The following PHGDH variants were observed in gnomAD, a reference collection of about 807,000 sequenced individuals.
The protein encoded by PHGDH is D-3-phosphoglycerate dehydrogenase.
A neutral mutation model predicts 52.6 loss-of-function variants in PHGDH; 50 were observed. That is an observed-to-expected ratio of 0.95 (90% CI 0.76 to 1.20). The LOEUF (loss-of-function observed/expected upper bound fraction) is 1.20. Among genes scored for constraint, PHGDH ranks in the 50% most tolerant of loss-of-function variants. The pLI, the probability that PHGDH is intolerant of heterozygous loss-of-function variation, is 0.00. For missense variants in PHGDH, 630 were observed against 684.6 expected, an observed-to-expected ratio of 0.92 and a Z score of 0.89; for synonymous variants, 271 against 280.5, an observed-to-expected ratio of 0.97 and a Z score of 0.34.
At chr1:119,731,415 C>G (rs1039773931) in intron 5 of PHGDH, among the ~76,000 whole-genome samples, 17 of 152,182 alleles carry the variant, frequency 1.1e-4, no homozygotes, top group African/African-American at 4.1e-4. Context: ...AAGAAGCGAG[C>G]CTTGTGCTTT....
At chr1:119,735,127 C>T in intron 6 of PHGDH, 168 bp from the exon 7 acceptor site, 1 of 853,456 alleles carries the variant, frequency 1.2e-6, no homozygotes, top group Non-Finnish European at 1.9e-6. Flanking sequence ...GGGACTCCTG[C>T]CCCAGAGCAT....
At chr1:119,736,667 C>T (rs1030080684) in intron 7 of PHGDH, among the ~76,000 whole-genome samples, 11 of 152,148 alleles carry the variant, frequency 7.2e-5, no homozygotes, top group African/African-American at 2.7e-4. Context: ...CAAGGCACAT[C>T]GACAGCAAGT....
intron 6 of PHGDH, 84 bp downstream of exon 6, chr1:119,734,850 ACAG>A: frequency 1.4e-6 from 2 of 1,461,692 alleles, no homozygotes; most frequent in Non-Finnish European, 1.9e-6. Context: ...CCTTCCCCAG[ACAG>A]TGGTAACCAG....
chr1:119,740,713 A>G lies in PHGDH; in HGVS notation c.1078+195A>G, dbSNP rs1382489817. Reference sequence around the variant, plus strand: ...GAGGGGTTAAAAAAAGTCGTTGGAAAGATGTACTGAATATTCATAAATCAT... The same window carrying G: ...GAGGGGTTAAAAAAAGTCGTTGGAAGGATGTACTGAATATTCATAAATCAT... On this transcript the variant is annotated intron_variant, in intron 9 of 11. Transcript: ENST00000641023. Among the ~76,000 whole-genome samples the G allele has an allele frequency of 2.6e-5, 4 of 152,194 alleles. No individual in the cohort carries two copies. In the East Asian group the frequency reaches 5.8e-4, roughly 22 times the overall value.
Position 119,738,879 on chromosome 1 carries a change from C to G in PHGDH, c.946-1507C>G, listed in dbSNP as rs587633203. 8.5e-5 allele frequency among the ~76,000 whole-genome samples: 13 copies of G among 152,240 alleles called. No homozygotes were observed. In the South Asian group the frequency reaches 2.7e-3, roughly 32 times the overall value. ...TGTATCTGCTGCAGGACACAGAGTTCCATCAAATGGACCACACAGTGTCCC... is the reference window on the plus strand; with the variant it reads ...TGTATCTGCTGCAGGACACAGAGTTGCATCAAATGGACCACACAGTGTCCC... On this transcript the variant is annotated intron_variant, in intron 8 of 11. Coordinates refer to ENST00000641023, the MANE Select transcript of PHGDH (RefSeq NM_006623.4).
chr1:119,729,715 G>C (rs1192519082), intron 5 of PHGDH: 1 of 152,180 alleles, frequency 6.6e-6, no homozygotes, highest in Non-Finnish European at 1.5e-5. Context: ...CTGGGACCTT[G>C]AGCATCAGTG....
At chr1:119,741,222 T>C (rs1433535390) in intron 9 of PHGDH, among the ~76,000 whole-genome samples, 3 of 152,156 alleles carry the variant, frequency 2.0e-5, no homozygotes, top group Non-Finnish European at 2.9e-5. Context: ...CTCTTGGGTG[T>C]CTCACAGTTG....
At chr1:119,739,263 G>T (rs972701205) in intron 8 of PHGDH, among the ~76,000 whole-genome samples, 1 of 152,174 alleles carries the variant, frequency 6.6e-6, no homozygotes, top group Non-Finnish European at 1.5e-5. Flanking sequence ...GAGATGTGCC[G>T]AGGTGCCTGC....
intron 10 of PHGDH, chr1:119,742,547 C>G (rs587760820): frequency 3.4e-6 from 2 of 589,278 alleles, no homozygotes; most frequent in Non-Finnish European, 6.1e-6. Context: ...TTTCTTTCCT[C>G]CCTGTTTTCC....
intron 7 of PHGDH, 98 bp downstream of exon 7, chr1:119,735,541 G>C: frequency 8.2e-7 from 1 of 1,224,014 alleles, no homozygotes; most frequent in Non-Finnish European, 1.2e-6. Context: ...AAAGCCTCTA[G>C]CTTATTGTCT....
intron 7 of PHGDH, 150 bp from the exon 8 acceptor site, chr1:119,736,964 A>T: frequency 4.2e-6 from 3 of 715,324 alleles, no homozygotes; most frequent in Non-Finnish European, 7.5e-6. Context: ...GAAGCCCATT[A>T]TTGAGTCCAG....
intron 2 of PHGDH, chr1:119,721,663 G>A (rs1651170910): frequency 7.6e-6 from 2 of 263,750 alleles, no homozygotes; most frequent in South Asian, 1.2e-4. Flanking sequence ...AGGTCAGTGA[G>A]TTCATCTGCA....
intron 7 of PHGDH, 50 bp from the exon 8 acceptor site, chr1:119,737,064 G>A (rs1218309497): frequency 6.2e-7 from 1 of 1,601,052 alleles, no homozygotes; most frequent in South Asian, 1.1e-5. Flanking sequence ...GGCCCAAGAG[G>A]GTGTGGCCAG....
chr1:119,722,446 G>A (rs587726144), intron 2 of PHGDH, among the ~76,000 whole-genome samples: 1 of 152,282 alleles, frequency 6.6e-6, no homozygotes, highest in African/African-American at 2.4e-5. Context: ...AAATAGTTTT[G>A]TGGGTTGCCA....
intron 5 of PHGDH, among the ~76,000 whole-genome samples, chr1:119,731,253 T>A (rs1242793195): frequency 1.3e-5 from 2 of 152,188 alleles, no homozygotes; most frequent in Admixed American, 6.5e-5. Context: ...CTACCTGTGG[T>A]CTGAGTCATA....
chr1:119,730,103 G>A (rs3828090), intron 5 of PHGDH: 44,138 of 151,934 alleles, frequency 0.29, 6,591 homozygotes, highest in African/African-American at 0.34. Flanking sequence ...TTTGAGTCTG[G>A]ATGAATTTTG....
At chr1:119,731,017 C>T (rs927475774) in intron 5 of PHGDH, among the ~76,000 whole-genome samples, 26 of 152,320 alleles carry the variant, frequency 1.7e-4, no homozygotes, top group African/African-American at 5.8e-4. Context: ...GAATACATTT[C>T]TGCACCCTAC....
intron 5 of PHGDH, among the ~76,000 whole-genome samples, chr1:119,731,595 C>G (rs587623940): frequency 6.6e-6 from 1 of 152,180 alleles, no homozygotes; most frequent in East Asian, 1.9e-4. Flanking sequence ...TCTACTGTGT[C>G]GGTTCCTGTG....
intron 1 of PHGDH, 142 bp downstream of exon 1, chr1:119,712,302 A>C: frequency 8.6e-5 from 56 of 653,864 alleles, no homozygotes; most frequent in East Asian, 2.1e-4. Flanking sequence ...GGTAGAGAAG[A>C]ACGGGGGCGG....
Sources: allele counts gnomAD v4.1 joint callset (sites outside exome capture counted in the v4.1 genomes callset), GRCh38; gene constraint gnomAD v4.1.1; transcripts MANE v1.5; gene names NCBI Gene and HGNC (gene_info 2026-07-23, HGNC 2026-07-21).